TRPM1: variants seen among roughly 807,000 people sequenced by gnomAD.
TRPM1 encodes TRPM1-203 APA Isoform, Intron 10.
In TRPM1, 113 loss-of-function variants were observed where a neutral mutation model predicts 149.4. The ratio of observed to expected loss-of-function variants is 0.76; its 90% CI spans 0.65 to 0.88. The LOEUF (loss-of-function observed/expected upper bound fraction) is 0.88, where lower values mean the gene tolerates loss of function less well. Among genes scored for constraint, TRPM1 ranks in the 40% least tolerant of loss-of-function variants. The pLI, the probability that TRPM1 is intolerant of heterozygous loss-of-function variation, is 0.00. For missense variants in TRPM1, 1,976 were observed against 2,038.7 expected (o/e 0.97, Z 0.59); for synonymous variants, 741 against 759.5 (o/e 0.98, Z 0.40).
intron 1 of TRPM1, among the ~76,000 whole-genome samples, chr15:31,096,264 G>A (rs12914420): frequency 0.37 from 55,683 of 151,848 alleles, 11,133 homozygotes; most frequent in East Asian, 0.84. Flanking sequence ...AGGGCCCCAT[G>A]GTAAAACACA....
chr15:31,015,658 C>T (rs535830312), intron 27 of TRPM1, among the ~76,000 whole-genome samples: 181 of 152,152 alleles, frequency 1.2e-3, no homozygotes, highest in African/African-American at 4.2e-3. Flanking sequence ...ATGAACAAAC[C>T]AAAGAGTGTA....
chr15:31,029,427 T>C, intron 23 of TRPM1, 36 bp from the exon 24 acceptor site: 1 of 1,612,596 alleles, frequency 6.2e-7, no homozygotes, highest in Non-Finnish European at 8.5e-7. Context: ...TTTTGTTTTG[T>C]TTTGTTTTGA....
At chr15:31,055,365 A>G (rs966891665) in intron 11 of TRPM1, among the ~76,000 whole-genome samples, 5 of 152,186 alleles carry the variant, frequency 3.3e-5, no homozygotes, top group Non-Finnish European at 7.3e-5. Flanking sequence ...AGTTTTTAAC[A>G]AATTTCTGGA....
intron 21 of TRPM1, among the ~76,000 whole-genome samples, chr15:31,035,068 G>A (rs981650630): frequency 3.3e-5 from 5 of 152,170 alleles, no homozygotes; most frequent in Admixed American, 6.5e-5. Flanking sequence ...GCAGTGGCGC[G>A]ATCTCGGCTC....
chr15:31,038,696 A>C (rs1181573686), intron 18 of TRPM1, among the ~76,000 whole-genome samples: 2 of 152,224 alleles, frequency 1.3e-5, no homozygotes, highest in Non-Finnish European at 2.9e-5. Flanking sequence ...TGGGTGACAG[A>C]GCAAGACCCT....
At chr15:31,107,763 A>G (rs1450911140) in intron 1 of TRPM1, among the ~76,000 whole-genome samples, 1 of 151,814 alleles carries the variant, frequency 6.6e-6, no homozygotes, top group African/African-American at 2.4e-5. Flanking sequence ...ATCTTAAGAT[A>G]TTTTATAACT....
rs1046126710 is a variant in TRPM1 at position 31,151,358 on chromosome 15, G to T, written c.54+9548C>A. On this transcript the variant is annotated intron_variant, in intron 1 of 26. Coordinates refer to the TRPM1 transcript ENST00000542188. ...CACTCTCAGGCCAACTAAACAAAGC[G>T]GCCAAGTGTTTTATACCCTCCTGGC... is the stretch of plus-strand genomic sequence containing the variant. Among the ~76,000 whole-genome samples, 4 of 152,264 alleles carry T rather than the reference G, an allele frequency of 2.6e-5. No individual in the cohort carries two copies. In the East Asian group the frequency reaches 7.7e-4, roughly 29 times the overall value.
At chr15:31,021,192 G>A (rs1236885782) in intron 27 of TRPM1, among the ~76,000 whole-genome samples, 1 of 152,136 alleles carries the variant, frequency 6.6e-6, no homozygotes, top group African/African-American at 2.4e-5. Flanking sequence ...CCCCATCACT[G>A]CGCATTTGCC....
intron 1 of TRPM1, among the ~76,000 whole-genome samples, chr15:31,141,473 T>A (rs1044021401): frequency 4.6e-5 from 7 of 152,076 alleles, no homozygotes; most frequent in African/African-American, 1.7e-4. Context: ...TTAGAAGATG[T>A]CTCAAAATAT....
intron 27 of TRPM1, among the ~76,000 whole-genome samples, chr15:31,025,212 G>A (rs1444351576): frequency 1.3e-5 from 2 of 152,210 alleles, no homozygotes; most frequent in African/African-American, 4.8e-5. Context: ...GCTCCTCTGA[G>A]CTCATCCTTC....
intron 1 of TRPM1, among the ~76,000 whole-genome samples, chr15:31,125,519 A>G (rs1256609391): frequency 1.3e-5 from 2 of 150,968 alleles, no homozygotes; most frequent in Non-Finnish European, 3.0e-5. Flanking sequence ...TCACGAGGTC[A>G]GGAGATCGAG....
intron 13 of TRPM1, among the ~76,000 whole-genome samples, chr15:31,048,868 T>C (rs2033857122): frequency 6.6e-6 from 1 of 152,194 alleles, no homozygotes; most frequent in South Asian, 2.1e-4. Context: ...GGATCATTTC[T>C]GCTACTTAAA....
At chr15:31,128,077 T>TGAC (rs2035973843) in intron 1 of TRPM1, among the ~76,000 whole-genome samples, 15 of 152,140 alleles carry the variant, frequency 9.9e-5, no homozygotes, top group Admixed American at 8.5e-4. Context: ...TCTGCAGACT[T>TGAC]TGACCTGTGC....
At chr15:31,005,421 T>G (rs892171684) in intron 27 of TRPM1, among the ~76,000 whole-genome samples, 2 of 152,190 alleles carry the variant, frequency 1.3e-5, no homozygotes, top group African/African-American at 4.8e-5. Context: ...CATTGGATTC[T>G]TTGGTCTCCC....
At chr15:31,030,281 A>G (rs982168404) in intron 23 of TRPM1, among the ~76,000 whole-genome samples, 1 of 152,250 alleles carries the variant, frequency 6.6e-6, no homozygotes, top group Admixed American at 6.5e-5. Flanking sequence ...ACAACATGCA[A>G]ATGAAAATGT....
rs1281296657 is a variant in TRPM1, at chr15:31,032,781, A to G, written c.2860T>C (p.Cys954Arg). 3.1e-6 allele frequency: 5 copies of G among 1,614,062 alleles called. No individual in the cohort carries two copies. In the African/African-American group the frequency reaches 6.7e-5, roughly 22 times the overall value. ...PYMGYGRVIY[C>R]VDIIFWYIRV... is the part of the protein sequence containing the mutation. Reference sequence around the variant, plus strand: ...ATGTACCAGAAGATGATATCCACACAGTAGATCACCCGGCCATAGCCCATG... The same window carrying G: ...ATGTACCAGAAGATGATATCCACACGGTAGATCACCCGGCCATAGCCCATG... Residue 954 changes from cysteine to arginine, a missense_variant, in exon 22 of 28, where the codon TGT becomes CGT. Physicochemically the swap from Cys to Arg is radical, Grantham distance 180 (BLOSUM62 -3). Coordinates refer to ENST00000256552, the MANE Select transcript of TRPM1 (RefSeq NM_001252024.2).
intron 27 of TRPM1, 49 bp from the exon 28 acceptor site, chr15:31,003,119 T>C (rs913134682): frequency 1.3e-6 from 2 of 1,512,332 alleles, no homozygotes; most frequent in African/African-American, 2.8e-5. Context: ...TAAGTGGATA[T>C]TAAAAATCAA....
chr15:31,075,597 G>A (rs1426367104), intron 3 of TRPM1, among the ~76,000 whole-genome samples: 1 of 152,162 alleles, frequency 6.6e-6, no homozygotes, highest in Non-Finnish European at 1.5e-5. Flanking sequence ...CAGGTGGTAA[G>A]GGACAGGATG....
chr15:31,043,162 T>C (rs747295675), intron 16 of TRPM1, among the ~76,000 whole-genome samples: 10 of 152,194 alleles, frequency 6.6e-5, no homozygotes, highest in Non-Finnish European at 1.3e-4. Context: ...CCAATTCCTA[T>C]CTCAGGTTGT....
Sources: allele counts gnomAD v4.1 joint callset (sites outside exome capture counted in the v4.1 genomes callset), GRCh38; gene constraint gnomAD v4.1.1; transcripts MANE v1.5; gene names NCBI Gene and HGNC (gene_info 2026-07-23, HGNC 2026-07-21).